Variants in BRINP3 observed in about 807,000 individuals in gnomAD.
BRINP3 encodes BMP/retinoic acid inducible neural specific 3.
BRINP3 carries 19 observed loss-of-function variants against 71.0 expected under a neutral mutation model. The ratio of observed to expected loss-of-function variants is 0.27; its 90% CI spans 0.19 to 0.39. The LOEUF is 0.39. Ranked by LOEUF, BRINP3 falls within the 10% of genes least tolerant of loss-of-function variation. The pLI, the probability that BRINP3 is intolerant of heterozygous loss-of-function variation, is 1.00. For missense variants in BRINP3, 959 were observed against 940.8 expected (o/e 1.02, Z -0.25); for synonymous variants, 380 against 337.7 (o/e 1.13, Z -1.37).
chr1:190,334,533 T>C (rs1264871351), intron 2 of BRINP3, among the ~76,000 whole-genome samples: 2 of 151,816 alleles, frequency 1.3e-5, no homozygotes, highest in African/African-American at 4.8e-5. Flanking sequence ...TGCATGACTC[T>C]TATCCTTGAA....
At chr1:190,442,805 T>C (rs762298745) in intron 2 of BRINP3, among the ~76,000 whole-genome samples, 4 of 104,312 alleles carry the variant, frequency 3.8e-5, no homozygotes, top group East Asian at 2.2e-4. Context: ...CCTGTGCGTG[T>C]GTGTGTGTGT....
At chr1:190,438,990 G>C (rs989938334) in intron 2 of BRINP3, among the ~76,000 whole-genome samples, 1 of 151,860 alleles carries the variant, frequency 6.6e-6, no homozygotes, top group Non-Finnish European at 1.5e-5. Context: ...AGTTGCCTAT[G>C]ACAGAGTAGA....
intron 2 of BRINP3, among the ~76,000 whole-genome samples, chr1:190,401,312 G>A (rs1173255810): frequency 7.4e-6 from 1 of 136,010 alleles, no homozygotes; most frequent in Non-Finnish European, 1.5e-5. Context: ...GAGCCAAGAT[G>A]AAGCCACTGC....
chr1:190,113,766 A>G (rs1652888372), intron 7 of BRINP3, among the ~76,000 whole-genome samples: 1 of 152,200 alleles, frequency 6.6e-6, no homozygotes, highest in African/African-American at 2.4e-5. Context: ...ATGACAGAAC[A>G]ATGGCTGGAT....
chr1:190,378,788 T>C (rs1361301824), intron 2 of BRINP3, among the ~76,000 whole-genome samples: 2 of 152,146 alleles, frequency 1.3e-5, no homozygotes, highest in African/African-American at 4.8e-5. Context: ...TCAAGTTTGC[T>C]AGCAGTCCCA....
intron 2 of BRINP3, among the ~76,000 whole-genome samples, chr1:190,381,851 A>C (rs907977228): frequency 2.6e-5 from 4 of 152,102 alleles, no homozygotes; most frequent in Non-Finnish European, 2.9e-5. Flanking sequence ...TTTTTCATAC[A>C]GATTACTTGT....
At chr1:190,203,800 TATATATATATATATAA>T (rs1558062010) in intron 6 of BRINP3, among the ~76,000 whole-genome samples, 5 of 48,854 alleles carry the variant, frequency 1.0e-4, no homozygotes, top group African/African-American at 1.6e-4. Context: ...TATATATATA[TATATATATATATATAA>T]ATGAAAACAA....
At chr1:190,420,969 G>GTTTCTTGACCCTATGACTTTAGCA in intron 2 of BRINP3, among the ~76,000 whole-genome samples, 1 of 151,882 alleles carries the variant, frequency 6.6e-6, no homozygotes, top group East Asian at 1.9e-4. Context: ...AGAGGTATCA[G>GTTTCTTGACCCTATGACTTTAGCA]TTTCTTGACC....
chr1:190,144,434 G>C (rs1247572342), intron 7 of BRINP3, among the ~76,000 whole-genome samples: 1 of 151,716 alleles, frequency 6.6e-6, no homozygotes, highest in African/African-American at 2.4e-5. Flanking sequence ...TCTCATCTGG[G>C]ATGTTAGTAC....
chr1:190,400,727 C>T (rs1014074503), intron 2 of BRINP3, among the ~76,000 whole-genome samples: 1 of 152,066 alleles, frequency 6.6e-6, no homozygotes, highest in African/African-American at 2.4e-5. Context: ...ATCCAGGGAA[C>T]CCTAAAACAT....
At chr1:190,108,643 A>C (rs1355946217) in intron 7 of BRINP3, among the ~76,000 whole-genome samples, 1 of 149,566 alleles carries the variant, frequency 6.7e-6, no homozygotes, top group East Asian at 2.0e-4. Context: ...TATTTTCCAG[A>C]TGAGACTACA....
At chr1:190,326,431 G>A (rs1182148583) in intron 2 of BRINP3, among the ~76,000 whole-genome samples, 1 of 152,026 alleles carries the variant, frequency 6.6e-6, no homozygotes, top group Non-Finnish European at 1.5e-5. Flanking sequence ...GAGGTAGACA[G>A]TCAGATAGAG....
chr1:190,273,794 T>A (rs373189509), intron 3 of BRINP3, among the ~76,000 whole-genome samples: 3 of 151,560 alleles, frequency 2.0e-5, no homozygotes, highest in Admixed American at 6.6e-5. Flanking sequence ...TTATTGAGGG[T>A]AGAAACAGAC....
chr1:190,352,596 GAATT>G (rs1166384091), intron 2 of BRINP3, among the ~76,000 whole-genome samples: 2 of 151,860 alleles, frequency 1.3e-5, no homozygotes, highest in South Asian at 2.1e-4. Flanking sequence ...TTATAATAAA[GAATT>G]AAAAGGATGC....
intron 2 of BRINP3, among the ~76,000 whole-genome samples, chr1:190,332,156 T>C (rs537729896): frequency 6.6e-6 from 1 of 152,216 alleles, no homozygotes; most frequent in South Asian, 2.1e-4. Flanking sequence ...CAATGATACA[T>C]GTCAAGAAGA....
intron 2 of BRINP3, among the ~76,000 whole-genome samples, chr1:190,429,714 C>G (rs1402516079): frequency 1.3e-5 from 2 of 151,780 alleles, no homozygotes; most frequent in Admixed American, 6.6e-5. Flanking sequence ...CCTCAGACTC[C>G]CAAGTAGCTG....
intron 2 of BRINP3, among the ~76,000 whole-genome samples, chr1:190,393,795 G>T (rs1239699548): frequency 6.6e-6 from 1 of 151,516 alleles, no homozygotes; most frequent in Non-Finnish European, 1.5e-5. Context: ...ATTTGCATTT[G>T]ATTATGCTAA....
At chr1:190,300,880 C>G (rs1664631976) in intron 2 of BRINP3, among the ~76,000 whole-genome samples, 1 of 151,988 alleles carries the variant, frequency 6.6e-6, no homozygotes, top group Non-Finnish European at 1.5e-5. Context: ...CTCTCCTCCT[C>G]CAAAGGAACG....
intron 6 of BRINP3, among the ~76,000 whole-genome samples, chr1:190,220,101 G>A (rs1234401871): frequency 1.3e-5 from 2 of 151,906 alleles, no homozygotes; most frequent in African/African-American, 4.8e-5. Context: ...AGAACGATCT[G>A]GGAATACTAG....
Sources: gnomAD v4.1 joint callset for allele counts (sites outside exome capture counted in the v4.1 genomes callset) on GRCh38, gnomAD v4.1.1 for gene constraint, MANE v1.5 for transcripts, NCBI Gene and HGNC (gene_info 2026-07-23, HGNC 2026-07-21) for gene names.